Variants in DOCK5 observed in about 807,000 individuals in gnomAD.
DOCK5 encodes dedicator of cytokinesis 5, also known as dedicator of cytokinesis protein 5.
In DOCK5, 142 loss-of-function variants were observed where a neutral mutation model predicts 251.8. The observed-to-expected ratio is 0.56, with a 90% CI of 0.49 to 0.65. The LOEUF (loss-of-function observed/expected upper bound fraction) is 0.65, where lower values mean the gene tolerates loss of function less well. DOCK5 is among the 30% of genes least tolerant of loss of function. The probability of loss-of-function intolerance (pLI) is 0.00; values close to 1 mark genes in which losing one functional copy is unlikely to be tolerated. For missense variants in DOCK5, 2,111 were observed against 2,312.3 expected (o/e 0.91, Z 1.79); for synonymous variants, 842 against 835.5 (o/e 1.01, Z -0.13).
intron 1 of DOCK5, among the ~76,000 whole-genome samples, chr8:25,228,096 C>T (rs1430030709): frequency 6.6e-6 from 1 of 152,120 alleles, no homozygotes; most frequent in Non-Finnish European, 1.5e-5. Flanking sequence ...AGGCTGGTCT[C>T]AAACTCCTGG....
intron 1 of DOCK5, among the ~76,000 whole-genome samples, chr8:25,214,942 C>G (rs908195847): frequency 3.9e-5 from 6 of 152,162 alleles, no homozygotes; most frequent in Admixed American, 6.5e-5. Context: ...TTTGCTCTTG[C>G]CAGCAGAGGC....
chr8:25,186,676 GC>G (rs1193713476), intron 1 of DOCK5, among the ~76,000 whole-genome samples: 1 of 151,986 alleles, frequency 6.6e-6, no homozygotes, highest in African/African-American at 2.4e-5. Flanking sequence ...ACCTCACCTG[GC>G]CCCTAGATGA....
At chr8:25,397,417 T>G (rs1443766671) in intron 45 of DOCK5, among the ~76,000 whole-genome samples, 1 of 152,186 alleles carries the variant, frequency 6.6e-6, no homozygotes, top group Non-Finnish European at 1.5e-5. Flanking sequence ...GGTGGTGACA[T>G]CTATGCTCTG....
chr8:25,354,049 CAAACA>C (rs1563213062), intron 27 of DOCK5, among the ~76,000 whole-genome samples: 3 of 23,248 alleles, frequency 1.3e-4, no homozygotes, highest in East Asian at 7.3e-4. Flanking sequence ...AAAAAAAAAA[CAAACA>C]AAAAAAAAAA....
intron 1 of DOCK5, among the ~76,000 whole-genome samples, chr8:25,187,750 C>G (rs1481044635): frequency 6.6e-6 from 1 of 152,078 alleles, no homozygotes; most frequent in Non-Finnish European, 1.5e-5. Context: ...GACCAACTGC[C>G]CTTCCCACTG....
At chr8:25,188,703 T>A (rs897941250) in intron 1 of DOCK5, among the ~76,000 whole-genome samples, 15 of 152,304 alleles carry the variant, frequency 9.8e-5, no homozygotes, top group South Asian at 6.2e-4. Flanking sequence ...TCAAGTGAAG[T>A]GACTGATCTA....
Position 25,304,275 on chromosome 8 carries a change from A to T in DOCK5, c.997A>T (p.Ile333Leu), listed in dbSNP as rs780288805. ...CCTAGTGATGGATATTACTGATATC[A>T]TACATGGGAAGGTGGATGATGAAGA... ...GVAVMDITDI[I>L]HGKVDDEEKQ... is the part of the protein sequence containing the mutation. The change falls in exon 11 of 52, where the codon ATA becomes TTA. Residue 333 changes from isoleucine (I) to leucine (L), a missense_variant. This residue lies in a region of DOCK5 where 1,717 missense variants were observed against 1,892.4 expected (regional missense o/e 0.91). Transcript: ENST00000276440. 5 of 1,609,800 alleles carry T rather than the reference A, an allele frequency of 3.1e-6. No individual in the cohort carries two copies. In the African/African-American group the frequency reaches 4.0e-5, roughly 13 times the overall value.
At position 25,344,585 on chromosome 8, in the gene DOCK5, G is replaced by A. The variant is rs183362146; in HGVS notation, c.2618-890G>A. Reference sequence around the variant, plus strand: ...TGGAAGGAAGGACTTGAGCTAGATCGTATCAGTAGCCTCCTTGGGCTCTGA... The same window carrying A: ...TGGAAGGAAGGACTTGAGCTAGATCATATCAGTAGCCTCCTTGGGCTCTGA... On this transcript the variant is annotated intron_variant, in intron 25 of 51. Transcript: ENST00000276440. Among the ~76,000 whole-genome samples the A allele has an allele frequency of 2.8e-3, 425 of 152,296 alleles. 1 individual carries two copies. The highest frequency in any genetic ancestry group is 9.7e-3 in the African/African-American group (402 of 41,562).
At chr8:25,345,254 ATTT>A (rs35685614) in intron 25 of DOCK5, 62 of 332,242 alleles carry the variant, frequency 1.9e-4, no homozygotes, top group East Asian at 3.2e-4. Flanking sequence ...GAGAAGGGTC[ATTT>A]TTTTTTTTTT....
intron 2 of DOCK5, among the ~76,000 whole-genome samples, chr8:25,257,108 A>G (rs1452429326): frequency 1.3e-5 from 2 of 152,090 alleles, no homozygotes; most frequent in African/African-American, 4.8e-5. Flanking sequence ...AGGAGCACAG[A>G]CACATTCTTC....
intron 9 of DOCK5, among the ~76,000 whole-genome samples, chr8:25,300,932 G>A (rs1483811743): frequency 6.6e-6 from 1 of 152,152 alleles, no homozygotes; most frequent in Admixed American, 6.5e-5. Context: ...AGGCACAGGG[G>A]CTCACGCCTG....
At chr8:25,407,086 T>C (rs1801535801) in intron 48 of DOCK5, among the ~76,000 whole-genome samples, 1 of 152,192 alleles carries the variant, frequency 6.6e-6, no homozygotes, top group African/African-American at 2.4e-5. Context: ...TAGATTTTAA[T>C]ACAAAAATAT....
chr8:25,252,254 C>G (rs1218033814), intron 2 of DOCK5, among the ~76,000 whole-genome samples: 1 of 152,056 alleles, frequency 6.6e-6, no homozygotes, highest in Non-Finnish European at 1.5e-5. Flanking sequence ...GGTCAGAAGC[C>G]AAGAGAGAGA....
chr8:25,325,511 G>T lies in DOCK5; in HGVS notation c.1867G>T (p.Ala623Ser), dbSNP rs1563202645. 6.2e-7 allele frequency: 1 copy of T among 1,613,750 alleles called. No homozygotes were observed. The highest frequency in any genetic ancestry group is 8.5e-7 in the Non-Finnish European group (1 of 1,179,740). Residue 623 changes from alanine to serine, a missense_variant, in exon 18 of 52, where the codon GCC (alanine) becomes TCC (serine). By Grantham distance (99) the Ala-to-Ser change is moderately conservative. Around this residue, in one of 3 missense-constraint regions of DOCK5, gnomAD observed 1,717 missense variants for 1,892.4 expected, o/e 0.91. Transcript: ENST00000276440. The stretch of plus-strand genomic sequence containing the variant: ...TAGCACTAAAGACAGCTTTCAGATT[G>T]CCACCCTCATCTGCTCCACAAAGCT... ...KDSTKDSFQI[A>S]TLICSTKLTQ...
rs1052508456 is a variant in DOCK5, at chr8:25,334,014, C to A, written c.2092-82C>A. ...GAAAAGATCCAGAGAGGAAAGAAGG[C>A]ACCGAGATGTTAAAATGCGGCTTGT... On this transcript the variant is annotated intron_variant, in intron 20 of 51. Coordinates refer to ENST00000276440, the MANE Select transcript of DOCK5 (RefSeq NM_024940.8). 29 of 978,324 alleles carry A rather than the reference C, an allele frequency of 3.0e-5. No homozygotes were observed. In the African/African-American group the frequency reaches 4.0e-4, roughly 14 times the overall value. The allele number at this position is 978,324 out of a possible 1,614,324, so 60.6% of individuals were successfully genotyped here.
intron 1 of DOCK5, among the ~76,000 whole-genome samples, chr8:25,208,594 A>G (rs1187580079): frequency 6.6e-6 from 1 of 152,220 alleles, no homozygotes; most frequent in South Asian, 2.1e-4. Flanking sequence ...TTTTTTTAGC[A>G]ATAAAATATT....
intron 1 of DOCK5, among the ~76,000 whole-genome samples, chr8:25,220,206 T>C (rs971721681): frequency 1.3e-5 from 2 of 152,050 alleles, no homozygotes; most frequent in South Asian, 2.1e-4. Context: ...TTTGTGTGTG[T>C]GTGTGTATAT....
At chr8:25,367,176 C>T (rs1393750604) in intron 31 of DOCK5, among the ~76,000 whole-genome samples, 3 of 152,234 alleles carry the variant, frequency 2.0e-5, no homozygotes, top group African/African-American at 7.2e-5. Flanking sequence ...TCCCATCAGT[C>T]ATCCCATGCT....
chr8:25,367,004 G>A, intron 31 of DOCK5, 34 bp downstream of exon 31: 2 of 1,554,946 alleles, frequency 1.3e-6, no homozygotes, highest in Non-Finnish European at 8.9e-7. Flanking sequence ...ATCGGGAAGG[G>A]GCTTCTTCCA....
Sources: gnomAD v4.1 joint callset for allele counts (sites outside exome capture counted in the v4.1 genomes callset) on GRCh38, gnomAD v4.1.1 for gene constraint, gnomAD v4.1.1 regional missense constraint, MANE v1.5 for transcripts, NCBI Gene and HGNC (gene_info 2026-07-23, HGNC 2026-07-21) for gene names.